Variants in FAM120C observed in about 807,000 individuals in gnomAD.
FAM120C encodes the protein family with sequence similarity 120 member C.
FAM120C carries 14 observed loss-of-function variants against 71.2 expected under a neutral mutation model. The ratio of observed to expected loss-of-function variants is 0.20; its 90% CI spans 0.13 to 0.31. The LOEUF (loss-of-function observed/expected upper bound fraction) is 0.31, where lower values mean the gene tolerates loss of function less well. Ranked by LOEUF, FAM120C falls within the 10% of genes least tolerant of loss-of-function variation. FAM120C has a pLI of 1.00. For missense variants in FAM120C, 500 were observed against 879.0 expected (o/e 0.57, Z 5.45); for synonymous variants, 354 against 353.2 (o/e 1.00, Z -0.03).
rs2067357564 is a variant in FAM120C at position 54,182,722 on chromosome X, A to G, written c.477T>C (p.Tyr159=). 1 of 1,209,802 alleles carries G rather than the reference A, an allele frequency of 8.3e-7. No individual in the cohort carries two copies. ...YLSALCQACA[Y]PGGDGLELVV... ...CGAGCTCCAGGCCGTCGCCGCCAGG[A>G]TAGGCACAAGCCTGGCACAGCGCTG... The change falls in exon 1 of 16, where the codon TAT becomes TAC. Residue 159 remains tyrosine (Y), a synonymous_variant. Transcript: ENST00000375180.
At chrX:54,103,755 CTTTT>C (rs11295052) in intron 10 of FAM120C, among the ~76,000 whole-genome samples, 1 of 98,451 alleles carries the variant, frequency 1.0e-5, no homozygotes. Flanking sequence ...CAAAACACCT[CTTTT>C]TTTTTTTTTT....
chrX:54,079,722 G>A (rs1357316482), intron 15 of FAM120C, among the ~76,000 whole-genome samples: 9 of 109,885 alleles, frequency 8.2e-5, no homozygotes, highest in Non-Finnish European at 1.5e-4. Flanking sequence ...GCTTGAACCC[G>A]GGAGGCAGAG....
At chrX:54,127,504 T>C (rs1247521602) in intron 9 of FAM120C, among the ~76,000 whole-genome samples, 7 of 98,477 alleles carry the variant, frequency 7.1e-5, no homozygotes, top group African/African-American at 2.7e-4. Context: ...GGCAGGAGAA[T>C]GGTGTGAACC....
intron 4 of FAM120C, 55 bp from the exon 5 acceptor site, chrX:54,136,645 A>AT: frequency 1.3e-6 from 1 of 794,095 alleles, no homozygotes; most frequent in Admixed American, 2.5e-5. Flanking sequence ...TGTTTTTTTA[A>AT]TACAGTTCAT....
chrX:54,170,197 C>T (rs915651081), intron 1 of FAM120C, among the ~76,000 whole-genome samples: 7 of 111,238 alleles, frequency 6.3e-5, no homozygotes, highest in Non-Finnish European at 1.3e-4. Context: ...AGTGCAATGA[C>T]GTGGTCTTGG....
chrX:54,117,239 G>T (rs1247480285), intron 9 of FAM120C, among the ~76,000 whole-genome samples: 1 of 107,743 alleles, frequency 9.3e-6, no homozygotes, highest in South Asian at 4.0e-4. Context: ...TGCGCTGCCA[G>T]CGACTTGGAA....
intron 3 of FAM120C, among the ~76,000 whole-genome samples, chrX:54,153,997 G>A (rs2067196717): frequency 9.2e-6 from 1 of 109,022 alleles, no homozygotes; most frequent in Non-Finnish European, 1.9e-5. Context: ...CACAGTGCCC[G>A]GCCAAGGATT....
intron 4 of FAM120C, among the ~76,000 whole-genome samples, chrX:54,138,532 T>G (rs182875747): frequency 1.6e-3 from 154 of 98,751 alleles, no homozygotes; most frequent in African/African-American, 5.4e-3. Context: ...CATATAAAGT[T>G]CAGGTAAAGG....
intron 15 of FAM120C, among the ~76,000 whole-genome samples, chrX:54,075,934 G>A (rs1166398450): frequency 3.3e-4 from 36 of 110,542 alleles, no homozygotes; most frequent in East Asian, 5.6e-4. Flanking sequence ...CCAACATGGC[G>A]AAACCCTGTC....
chrX:54,097,762 T>C (rs2066859596), intron 10 of FAM120C, among the ~76,000 whole-genome samples: 6 of 111,540 alleles, frequency 5.4e-5, no homozygotes, highest in Non-Finnish European at 1.1e-4. Flanking sequence ...ACTCTCGCTC[T>C]GTCACCCAGG....
At position 54,073,403 on chromosome X, in the gene FAM120C, G is replaced by A; in HGVS notation, c.3037-116C>T. The A allele has an allele frequency of 4.3e-6, 3 of 704,222 alleles. No individual in the cohort carries two copies. The Admixed American group carries it at 1.1e-4, about 26-fold the overall frequency. 58.0% of individuals were successfully genotyped at this position (704,222 alleles called of 1,213,427 possible). A position where few individuals can be genotyped will look rare whatever the true frequency, so the allele number is the denominator to read the frequency against. On this transcript the variant is annotated intron_variant, in intron 15 of 15. Transcript: ENST00000375180. ...CTTCAGTTCTTCAAAAACACCAGAA[G>A]ACCTCAAGCTGGTTGACAACTAGTA...
intron 1 of FAM120C, chrX:54,174,219 G>GT: frequency 2.0e-6 from 1 of 507,521 alleles, no homozygotes; most frequent in East Asian, 3.6e-5. Flanking sequence ...GGAAGTCACA[G>GT]TTTTTTATAA....
In FAM120C at chrX:54,135,104, T is replaced by C. The variant is rs781837813; in HGVS notation, c.1343A>G (p.His448Arg). ...TISAGKPMFS[H>R]QVPQKVKYPP... ...ATATTTCACTTTCTGGGGCACTTGA[T>C]GAGAAAACTAAACGATAAAACAGAC... Residue 448 changes from histidine (H) to arginine (R), a missense_variant, in exon 7 of 16, where the codon CAT (histidine) becomes CGT (arginine). His to Arg is a conservative substitution (Grantham distance 29). This residue lies in a region of FAM120C where 55 missense variants were observed against 96.7 expected (regional missense o/e 0.57). Coordinates refer to ENST00000375180, the MANE Select transcript of FAM120C (RefSeq NM_017848.6). 3 of 1,187,937 alleles carry C rather than the reference T, an allele frequency of 2.5e-6. No individual in the cohort carries two copies. The Admixed American group carries it at 7.0e-5, about 28-fold the overall frequency.
intron 10 of FAM120C, among the ~76,000 whole-genome samples, chrX:54,107,824 A>G (rs1222976528): frequency 9.9e-6 from 1 of 100,736 alleles, no homozygotes; most frequent in Non-Finnish European, 2.0e-5. Context: ...GCTCGGCCTC[A>G]TTATTCTTAC....
chrX:54,133,957 A>G lies in FAM120C; in HGVS notation c.1706T>C (p.Val569Ala). Residue 569 changes from valine (V) to alanine (A), a missense_variant, in exon 8 of 16, where the codon GTT becomes GCT. Val to Ala is a moderately conservative substitution (Grantham distance 64). This residue lies in a region of FAM120C where 85 missense variants were observed against 84.9 expected (regional missense o/e 1.00). Coordinates refer to ENST00000375180, the MANE Select transcript of FAM120C (RefSeq NM_017848.6). The part of the protein sequence containing the change: ...GSWAQPVDTG[V>A]SEASLGDGEP... ...ACCATCACCTAGGCTCGCTTCTGAA[A>G]CTCCAGTATCAACAGGCTGTGCCCA... 4.1e-6 allele frequency: 5 copies of G among 1,211,474 alleles called. No homozygotes were observed. The highest frequency in any genetic ancestry group is 5.6e-6 in the Non-Finnish European group (5 of 895,437).
At chrX:54,129,194 G>A (rs2067047210) in intron 9 of FAM120C, among the ~76,000 whole-genome samples, 2 of 108,281 alleles carry the variant, frequency 1.8e-5, no homozygotes, top group African/African-American at 6.7e-5. Context: ...CGGGGTGGCT[G>A]CCGGGTGGAG....
At chrX:54,138,108 G>A (rs782229236) in intron 4 of FAM120C, among the ~76,000 whole-genome samples, 1 of 111,368 alleles carries the variant, frequency 9.0e-6, no homozygotes, top group South Asian at 3.8e-4. Context: ...TCATACAATG[G>A]ATTACTATAC....
chrX:54,091,392 G>C lies in FAM120C; in HGVS notation c.2347C>G (p.His783Asp). ...MVQWPGGRILHRHELDTFLAQ... is the reference protein window; with the variant it reads ...MVQWPGGRILDRHELDTFLAQ... ...AGGAAGGTGTCTAGCTCATGGCGAT[G>C]CAGGATTCGGCCACCAGGCCACTGA... Residue 783 changes from histidine to aspartate, a missense_variant, in exon 11 of 16, where the codon CAT becomes GAT. By Grantham distance (81) the His-to-Asp change is moderately conservative. Around this residue, in one of 11 missense-constraint regions of FAM120C, gnomAD observed 104 missense variants for 254.5 expected, o/e 0.41. Transcript: ENST00000375180. 2 of 1,210,023 alleles carry C rather than the reference G, an allele frequency of 1.7e-6. No homozygotes were observed. Among genetic ancestry groups the C allele is most frequent in the Non-Finnish European group, 2.2e-6 (2 of 893,842 alleles).
At chrX:54,140,404 A>C (rs1281234849) in intron 4 of FAM120C, among the ~76,000 whole-genome samples, 1 of 109,064 alleles carries the variant, frequency 9.2e-6, no homozygotes, top group African/African-American at 3.3e-5. Context: ...GGATCACCTG[A>C]GTTCAGGAGT....
Sources: gnomAD v4.1 joint callset for allele counts (sites outside exome capture counted in the v4.1 genomes callset) on GRCh38, gnomAD v4.1.1 for gene constraint, gnomAD v4.1.1 regional missense constraint, MANE v1.5 for transcripts, NCBI Gene and HGNC (gene_info 2026-07-23, HGNC 2026-07-21) for gene names.